ITCH: variants seen among roughly 807,000 people sequenced by gnomAD.
ITCH encodes the protein E3 ubiquitin-protein ligase Itchy homolog.
Under a neutral mutation model 126.8 loss-of-function variants are expected in ITCH, and 28 were observed. That is an observed-to-expected ratio of 0.22 (90% confidence interval 0.16 to 0.30). The LOEUF is 0.30. ITCH is among the 10% of genes least tolerant of loss of function. The pLI is 1.00. For synonymous variants in ITCH, 342 were observed against 340.0 expected (o/e 1.01, Z -0.06); for missense variants, 631 against 1,032.4 (o/e 0.61, Z 5.33).
intron 2 of ITCH, among the ~76,000 whole-genome samples, chr20:34,377,146 G>A (rs2037877810): frequency 6.6e-6 from 1 of 152,126 alleles, no homozygotes; most frequent in African/African-American, 2.4e-5. Flanking sequence ...GGCTGAGGTG[G>A]GCGGATCACT....
rs964633641 is a variant in ITCH, at chr20:34,476,076, C to T, written c.1570-1696C>T. ...ATGCCAGATCGAGCATGTGATTCTC[C>T]TCATCAGTGATTGCATCTAACTTCT... On this transcript the variant is annotated intron_variant, in intron 16 of 24. Coordinates refer to ENST00000374864, the MANE Select transcript of ITCH (RefSeq NM_031483.7). 6.7e-5 allele frequency: 74 copies of T among 1,097,272 alleles called. No homozygotes were observed. In the African/African-American group the frequency reaches 1.0e-3, roughly 15 times the overall value. The allele number at this position is 1,097,272 out of a possible 1,614,324, so 68.0% of individuals were successfully genotyped here.
intron 24 of ITCH, 46 bp downstream of exon 24, chr20:34,504,449 A>G (rs1405144325): frequency 1.6e-6 from 2 of 1,240,362 alleles, no homozygotes; most frequent in African/African-American, 3.0e-5. Flanking sequence ...TTGTCCAGTT[A>G]TCTGTAGCTA....
chr20:34,438,280 A>T (rs1983280147), intron 7 of ITCH, among the ~76,000 whole-genome samples, 194 bp from the exon 8 acceptor site: 1 of 152,186 alleles, frequency 6.6e-6, no homozygotes. Flanking sequence ...CTATCTCTAG[A>T]TGAACTCTGG....
At chr20:34,419,945 G>C (rs1268877339) in intron 6 of ITCH, among the ~76,000 whole-genome samples, 2 of 151,906 alleles carry the variant, frequency 1.3e-5, no homozygotes, top group Non-Finnish European at 2.9e-5. Flanking sequence ...CATGTGAACA[G>C]TGATACATTG....
chr20:34,429,741 CT>C (rs1359246267), intron 7 of ITCH, among the ~76,000 whole-genome samples: 1 of 151,908 alleles, frequency 6.6e-6, no homozygotes, highest in African/African-American at 2.4e-5. Flanking sequence ...TGCTTTGAAT[CT>C]TGTTTTTTTT....
At chr20:34,454,163 A>C (rs1013077315) in intron 12 of ITCH, among the ~76,000 whole-genome samples, 1 of 143,458 alleles carries the variant, frequency 7.0e-6, no homozygotes, top group Non-Finnish European at 1.5e-5. Flanking sequence ...TTTGAGACGG[A>C]GTCTCGCTCT....
intron 1 of ITCH, among the ~76,000 whole-genome samples, chr20:34,369,039 A>G (rs1190863620): frequency 6.6e-6 from 1 of 152,196 alleles, no homozygotes; most frequent in Non-Finnish European, 1.5e-5. Flanking sequence ...GTGTTTAACT[A>G]TAGAGGTCAG....
At chr20:34,383,346 G>A (rs1028824510) in intron 2 of ITCH, among the ~76,000 whole-genome samples, 1 of 149,986 alleles carries the variant, frequency 6.7e-6, no homozygotes, top group Non-Finnish European at 1.5e-5. Context: ...CACCATGCCA[G>A]TCTTGGGCTT....
intron 10 of ITCH, 36 bp from the exon 11 acceptor site, chr20:34,445,251 A>G (rs1384065468): frequency 2.6e-6 from 4 of 1,555,024 alleles, no homozygotes; most frequent in African/African-American, 2.7e-5. Flanking sequence ...GTATTTGTTG[A>G]ATTAGCTTGT....
chr20:34,391,195 C>T (rs76843461), intron 2 of ITCH, among the ~76,000 whole-genome samples: 201 of 152,218 alleles, frequency 1.3e-3, no homozygotes, highest in African/African-American at 4.6e-3. Context: ...TTGTACAAGT[C>T]AACAGTGATA....
At chr20:34,440,839 T>TG (rs2146288315) in intron 9 of ITCH, among the ~76,000 whole-genome samples, 1 of 152,248 alleles carries the variant, frequency 6.6e-6, no homozygotes, top group South Asian at 2.1e-4. Context: ...CAGGGCAAAG[T>TG]GGAAAAATAT....
intron 7 of ITCH, among the ~76,000 whole-genome samples, 169 bp downstream of exon 7, chr20:34,424,694 G>T (rs1204698843): frequency 6.6e-6 from 1 of 152,238 alleles, no homozygotes; most frequent in African/African-American, 2.4e-5. Context: ...TAGCTTATCG[G>T]ATTAGAGCTA....
At chr20:34,408,368 C>T (rs1032997950) in intron 3 of ITCH, among the ~76,000 whole-genome samples, 1 of 152,164 alleles carries the variant, frequency 6.6e-6, no homozygotes, top group Non-Finnish European at 1.5e-5. Flanking sequence ...CCCGCTGCAC[C>T]TGGCCCATAT....
intron 23 of ITCH, among the ~76,000 whole-genome samples, chr20:34,499,043 C>T (rs933710045): frequency 6.7e-6 from 1 of 149,912 alleles, no homozygotes; most frequent in Non-Finnish European, 1.5e-5. Context: ...GGCACGATCT[C>T]GGCTCACTGC....
chr20:34,454,459 C>T (rs1057354851), intron 12 of ITCH: 2 of 152,108 alleles, frequency 1.3e-5, no homozygotes, highest in Non-Finnish European at 2.9e-5. Flanking sequence ...TAGAGACAGC[C>T]TTTGAGTTGG....
At position 34,471,464 on chromosome 20, in the gene ITCH, C is replaced by T. The variant is rs779479262; in HGVS notation, c.1518C>T (p.His506=). Residue 506 remains histidine (H), a synonymous_variant, in exon 16 of 25, where the codon CAC becomes CAT. Coordinates refer to ENST00000374864, the MANE Select transcript of ITCH (RefSeq NM_031483.7). ...TTCAGCAACTGGCCATGCCACAGCA[C>T]ATAAAGATTACAGTGACAAGAAAAA... ...FWCQQLAMPQ[H]IKITVTRKTL... The T allele has an allele frequency of 1.0e-5, 16 of 1,606,058 alleles. No individual in the cohort carries two copies. The South Asian group carries it at 1.6e-4, about 17-fold the overall frequency.
chr20:34,372,709 G>T (rs2037687380), intron 2 of ITCH, among the ~76,000 whole-genome samples: 5 of 152,048 alleles, frequency 3.3e-5, no homozygotes. Context: ...CATTGGCACT[G>T]AGAGACCTGT....
chr20:34,376,449 A>AAAATAAAT (rs772320833), intron 2 of ITCH, among the ~76,000 whole-genome samples: 18 of 151,492 alleles, frequency 1.2e-4, no homozygotes, highest in African/African-American at 2.7e-4. Flanking sequence ...CCGTGTCTCA[A>AAAATAAAT]AAATAAATAC....
intron 10 of ITCH, among the ~76,000 whole-genome samples, chr20:34,443,206 T>TTTAACA (rs1472047787): frequency 2.6e-5 from 4 of 152,036 alleles, no homozygotes; most frequent in Admixed American, 6.6e-5. Context: ...GTGTTAAGCC[T>TTTAACA]TTAACATTAA....
Sources: allele counts gnomAD v4.1 joint callset (sites outside exome capture counted in the v4.1 genomes callset), GRCh38; gene constraint gnomAD v4.1.1; transcripts MANE v1.5; gene names NCBI Gene and HGNC (gene_info 2026-07-23, HGNC 2026-07-21).